The following LDHC variants were observed in gnomAD, a reference collection of about 807,000 sequenced individuals.
The protein encoded by LDHC is L-lactate dehydrogenase C chain.
In LDHC, 20 loss-of-function variants were observed where a neutral mutation model predicts 30.2. The observed-to-expected ratio is 0.66, with a 90% CI of 0.47 to 0.96. LDHC has a LOEUF of 0.96. LDHC is among the 40% of genes least tolerant of loss of function. The pLI is 0.00. For synonymous variants in LDHC, 139 were observed against 132.7 expected (o/e 1.05, Z -0.32); for missense variants, 362 against 394.9 (o/e 0.92, Z 0.71).
At chr11:18,420,191 A>G (rs1565047495) in intron 3 of LDHC, among the ~76,000 whole-genome samples, 1 of 152,220 alleles carries the variant, frequency 6.6e-6, no homozygotes, top group Non-Finnish European at 1.5e-5. Flanking sequence ...TACCCAGAAG[A>G]CAAGAAGTAG....
chr11:18,429,831 T>C lies in LDHC; in HGVS notation c.339T>C (p.Asn113=). 2.5e-6 allele frequency: 4 copies of C among 1,612,168 alleles called. No homozygotes were observed. Among genetic ancestry groups the C allele is most frequent in the Non-Finnish European group, 3.4e-6 (4 of 1,178,264 alleles). ...CTCGCCTTGCCCTGGTCCAACGTAA[T>C]GTGGCTATAATGAAATCAATCATTC... ...GETRLALVQR[N]VAIMKSIIPA... The change falls in exon 4 of 8, where the codon AAT becomes AAC. Residue 113 remains asparagine, a synonymous_variant. Transcript: ENST00000541669.
Position 18,437,751 on chromosome 11 carries a change from CAA to C in LDHC, c.593-762_593-761del, listed in dbSNP as rs11308924. Among the ~76,000 whole-genome samples, 921 of 126,350 alleles carry C rather than the reference CAA, an allele frequency of 7.3e-3. 2 individuals are homozygous for C. Among genetic ancestry groups the C allele is most frequent in the Non-Finnish European group, 8.9e-3 (534 of 60,078 alleles). The allele number at this position is 126,350 out of a possible 152,430, so 82.9% of individuals were successfully genotyped here. ...TGGGCGACAGAGCAAGACTCCCTCT[CAA>C]AAAAAAAAAAAAAAGAAAAAGAAAT... is the stretch of plus-strand genomic sequence containing the variant. On this transcript the variant is annotated intron_variant, in intron 5 of 7. Transcript: ENST00000541669.
At chr11:18,434,261 G>A (rs1322259490) in intron 4 of LDHC, among the ~76,000 whole-genome samples, 2 of 147,772 alleles carry the variant, frequency 1.4e-5, no homozygotes, top group Admixed American at 1.4e-4. Context: ...GCCTTTCTCT[G>A]GTCCCTCCCT....
intron 3 of LDHC, among the ~76,000 whole-genome samples, chr11:18,425,617 A>G (rs1286034341): frequency 6.6e-6 from 1 of 152,136 alleles, no homozygotes; most frequent in Non-Finnish European, 1.5e-5. Flanking sequence ...GTTATTGTAT[A>G]TGAAATATTT....
intron 4 of LDHC, 54 bp downstream of exon 4, chr11:18,429,964 C>A: frequency 2.7e-6 from 3 of 1,094,070 alleles, no homozygotes; most frequent in Non-Finnish European, 4.0e-6. Flanking sequence ...CCATACCATT[C>A]CTTTAAAAGA....
intron 5 of LDHC, 118 bp from the exon 6 acceptor site, chr11:18,438,410 A>G: frequency 1.5e-6 from 1 of 657,598 alleles, no homozygotes; most frequent in Non-Finnish European, 2.8e-6. Context: ...TGAGATTTGG[A>G]GGAGACAAAC....
Position 18,434,908 on chromosome 11 carries a change from C to T in LDHC, c.587C>T (p.Ser196Phe). The T allele has an allele frequency of 6.2e-7, 1 of 1,607,822 alleles. No homozygotes were observed. Among genetic ancestry groups the T allele is most frequent in the Non-Finnish European group, 8.5e-7 (1 of 1,174,424 alleles). ...HGWIIGEHGD[S>F]SVPLWSGVNV... ...TGGATTATTGGAGAACATGGTGATT[C>T]TAGTGGTAAGTATAAATCTATTATT... is the stretch of plus-strand genomic sequence containing the variant. Residue 196 changes from serine to phenylalanine, a missense_variant, in exon 5 of 8, where the codon TCT (serine) becomes TTT (phenylalanine). Physicochemically the swap from Ser to Phe is radical, Grantham distance 155 (BLOSUM62 -2). Transcript: ENST00000541669.
intron 3 of LDHC, among the ~76,000 whole-genome samples, chr11:18,428,492 T>A (rs1434433345): frequency 6.6e-6 from 1 of 152,026 alleles, no homozygotes; most frequent in Admixed American, 6.6e-5. Flanking sequence ...ACATGAAAAG[T>A]CGAGATGAGA....
At chr11:18,449,344 T>C (rs1048041920) in intron 7 of LDHC, among the ~76,000 whole-genome samples, 6 of 144,026 alleles carry the variant, frequency 4.2e-5, no homozygotes, top group African/African-American at 1.6e-4. Context: ...GGAGGATTGC[T>C]TAAGCCCAGG....
chr11:18,415,264 T>A lies in LDHC; in HGVS notation c.207T>A (p.Ser69Arg). 6.2e-7 allele frequency: 1 copy of A among 1,603,974 alleles called. No homozygotes were observed. Among genetic ancestry groups the A allele is most frequent in the Non-Finnish European group, 8.5e-7 (1 of 1,171,456 alleles). ...AAATGATGGATCTTCAGCATGGCAG[T>A]CTTTTCTTTAGTACTTCAAAGATTA... ...KGEMMDLQHGSLFFSTSKITS... is the reference protein window; with the variant it reads ...KGEMMDLQHGRLFFSTSKITS... Residue 69 changes from serine (S) to arginine (R), a missense_variant, in exon 3 of 8, where the codon AGT (serine) becomes AGA (arginine). Coordinates refer to ENST00000541669, the MANE Select transcript of LDHC (RefSeq NM_017448.5).
At chr11:18,426,613 C>CTTA (rs1359743316) in intron 3 of LDHC, among the ~76,000 whole-genome samples, 1 of 151,184 alleles carries the variant, frequency 6.6e-6, no homozygotes, top group Non-Finnish European at 1.5e-5. Context: ...TATTATGGTG[C>CTTA]TTATGATTAA....
At position 18,438,541 on chromosome 11, in the gene LDHC, T is replaced by A. The variant is rs143476918; in HGVS notation, c.606T>A (p.Ser202Arg). The change falls in exon 6 of 8, where the codon AGT (serine) becomes AGA (arginine). Residue 202 changes from serine to arginine, a missense_variant. Transcript: ENST00000541669. ...EHGDSSVPLW[S>R]GVNVAGVALK... ...TGTATTTTTTAGTGCCCTTATGGAG[T>A]GGGGTGAATGTTGCTGGTGTTGCTC... 1 of 1,606,806 alleles carries A rather than the reference T, an allele frequency of 6.2e-7. No individual in the cohort carries two copies. Among genetic ancestry groups the A allele is most frequent in the South Asian group, 1.1e-5 (1 of 90,848 alleles).
chr11:18,423,950 A>G (rs1264206083), intron 3 of LDHC, among the ~76,000 whole-genome samples: 1 of 152,254 alleles, frequency 6.6e-6, no homozygotes, highest in Middle Eastern at 3.2e-3. Flanking sequence ...TCAATAACCA[A>G]GCACAGGAAA....
intron 6 of LDHC, among the ~76,000 whole-genome samples, chr11:18,443,280 G>T (rs1039575038): frequency 3.3e-5 from 5 of 151,942 alleles, no homozygotes; most frequent in African/African-American, 7.3e-5. Flanking sequence ...GGATCTAACT[G>T]GTCTGGAGGC....
rs968850816 is a variant in LDHC at position 18,434,807 on chromosome 11, T to C, written c.486T>C (p.Gly162=). Reference sequence around the variant, plus strand: ...CTGTAACTCGTGTAATTGGAAGTGGTTGTAATCTAGACTCTGCCCGTTTCC... The same window carrying C: ...CTGTAACTCGTGTAATTGGAAGTGGCTGTAATCTAGACTCTGCCCGTTTCC... ...GLPVTRVIGS[G]CNLDSARFRY... The change falls in exon 5 of 8, where the codon GGT becomes GGC. Residue 162 remains glycine, a synonymous_variant. Transcript: ENST00000541669. The C allele has an allele frequency of 1.2e-6, 2 of 1,611,090 alleles. No homozygotes were observed. The highest frequency in any genetic ancestry group is 1.7e-6 in the Non-Finnish European group (2 of 1,177,200).
intron 6 of LDHC, among the ~76,000 whole-genome samples, chr11:18,438,989 T>C (rs1284855816): frequency 6.6e-6 from 1 of 152,188 alleles, no homozygotes; most frequent in Non-Finnish European, 1.5e-5. Flanking sequence ...TGTTTACTTA[T>C]CTTCGAAATG....
chr11:18,420,879 G>A (rs972462161), intron 3 of LDHC, among the ~76,000 whole-genome samples: 1 of 152,046 alleles, frequency 6.6e-6, no homozygotes, highest in Non-Finnish European at 1.5e-5. Flanking sequence ...AGTCTTGGGG[G>A]ATTAAAAAAT....
At chr11:18,420,208 T>C (rs1590224336) in intron 3 of LDHC, among the ~76,000 whole-genome samples, 1 of 152,152 alleles carries the variant, frequency 6.6e-6, no homozygotes, top group Non-Finnish European at 1.5e-5. Flanking sequence ...GTAGAAAATA[T>C]AACAGGTTAA....
chr11:18,421,396 G>A (rs565146867), intron 3 of LDHC, among the ~76,000 whole-genome samples: 30 of 143,792 alleles, frequency 2.1e-4, no homozygotes, highest in African/African-American at 7.4e-4. Context: ...GGTGTAGGTC[G>A]GATGTGGTGG....
Sources: allele counts gnomAD v4.1 joint callset (sites outside exome capture counted in the v4.1 genomes callset), GRCh38; gene constraint gnomAD v4.1.1; transcripts MANE v1.5; gene names NCBI Gene and HGNC (gene_info 2026-07-23, HGNC 2026-07-21).